CCDC85A: variants seen among roughly 807,000 people sequenced by gnomAD.
CCDC85A encodes coiled-coil domain containing 85A, also known as coiled-coil domain-containing protein 85A.
CCDC85A carries 38 observed loss-of-function variants against 50.2 expected under a neutral mutation model. The ratio of observed to expected loss-of-function variants is 0.76; its 90% confidence interval spans 0.58 to 0.99. The LOEUF (loss-of-function observed/expected upper bound fraction) is 0.99. Among genes scored for constraint, CCDC85A ranks in the 50% least tolerant of loss-of-function variants. The pLI is 0.00. For synonymous variants in CCDC85A, 366 were observed against 301.4 expected (o/e 1.21, Z -2.22); for missense variants, 820 against 742.0 (o/e 1.11, Z -1.22).
chr2:56,294,435 A>G (rs1351933695), intron 2 of CCDC85A, among the ~76,000 whole-genome samples: 2 of 152,226 alleles, frequency 1.3e-5, no homozygotes, highest in Non-Finnish European at 2.9e-5. Context: ...TGTATACCAT[A>G]ACTTAAATAA....
chr2:56,272,955 G>A (rs1175689133), intron 2 of CCDC85A, among the ~76,000 whole-genome samples: 3 of 152,128 alleles, frequency 2.0e-5, no homozygotes, highest in African/African-American at 7.2e-5. Flanking sequence ...GAAAAAGAGA[G>A]AGGAAGTGAA....
intron 2 of CCDC85A, among the ~76,000 whole-genome samples, chr2:56,255,704 A>G (rs1001996165): frequency 2.6e-5 from 4 of 152,122 alleles, no homozygotes; most frequent in African/African-American, 9.7e-5. Flanking sequence ...AGGAAGGAGA[A>G]AGAAATGATG....
chr2:56,372,229 T>C (rs947947357), intron 3 of CCDC85A, 115 bp from the exon 4 acceptor site: 2 of 1,035,568 alleles, frequency 1.9e-6, no homozygotes, highest in Non-Finnish European at 2.6e-6. Flanking sequence ...ATGTTACAGC[T>C]TGCCATTGTG....
intron 3 of CCDC85A, 135 bp downstream of exon 3, chr2:56,343,090 A>G (rs1674457331): frequency 3.3e-6 from 2 of 607,938 alleles, no homozygotes; most frequent in African/African-American, 1.8e-5. Context: ...TCATCAATGT[A>G]GAGTGTGATT....
chr2:56,382,676 G>GTTGGT (rs1558668997), intron 5 of CCDC85A, among the ~76,000 whole-genome samples: 1 of 151,886 alleles, frequency 6.6e-6, no homozygotes, highest in Admixed American at 6.6e-5. Flanking sequence ...CCTTTGTATT[G>GTTGGT]TTGGTTTATT....
chr2:56,329,943 CTGTTTTTTTTTTTTTTTTTTT>C (rs1397586904), intron 2 of CCDC85A, among the ~76,000 whole-genome samples: 3 of 22,874 alleles, frequency 1.3e-4, no homozygotes, highest in East Asian at 2.7e-3. Context: ...TACAGATTTC[CTGTTTTTTTTTTTTTTTTTTT>C]TTTTTTTTTT....
chr2:56,185,500 T>A (rs1386741969), intron 1 of CCDC85A, among the ~76,000 whole-genome samples: 9 of 152,098 alleles, frequency 5.9e-5, no homozygotes, highest in Admixed American at 5.9e-4. Context: ...TCTCCCGGAG[T>A]TTGGAAGGCA....
intron 2 of CCDC85A, among the ~76,000 whole-genome samples, chr2:56,237,036 C>G (rs1219658114): frequency 1.3e-5 from 2 of 152,052 alleles, no homozygotes; most frequent in Non-Finnish European, 2.9e-5. Context: ...GTTAACTAAT[C>G]TGTGAAAAAT....
At chr2:56,228,657 C>T (rs976671309) in intron 2 of CCDC85A, among the ~76,000 whole-genome samples, 1 of 152,030 alleles carries the variant, frequency 6.6e-6, no homozygotes, top group African/African-American at 2.4e-5. Context: ...CTCAGCCTCC[C>T]GAGTAGCTGG....
chr2:56,217,113 G>A lies in CCDC85A; in HGVS notation c.1240+23673G>A, dbSNP rs578201046. On this transcript the variant is annotated intron_variant, in intron 2 of 5. Transcript: ENST00000407595. Reference sequence around the variant, plus strand: ...CTCACCTCTCAAAGGTTAGGTTAGAGGTAATACAAATGAGGATGTAAAAAA... The same window carrying A: ...CTCACCTCTCAAAGGTTAGGTTAGAAGTAATACAAATGAGGATGTAAAAAA... Among the ~76,000 whole-genome samples the A allele has an allele frequency of 6.5e-4, 99 of 151,946 alleles. No homozygotes were observed. In the South Asian group the frequency reaches 0.011, roughly 17 times the overall value.
chr2:56,213,993 T>A (rs547738355), intron 2 of CCDC85A, among the ~76,000 whole-genome samples: 7 of 151,900 alleles, frequency 4.6e-5, no homozygotes, highest in Non-Finnish European at 1.0e-4. Context: ...GCAGCAGACG[T>A]GTTCAGTGAG....
intron 2 of CCDC85A, among the ~76,000 whole-genome samples, chr2:56,231,781 G>A (rs1668785583): frequency 6.6e-6 from 1 of 152,112 alleles, no homozygotes; most frequent in Admixed American, 6.5e-5. Flanking sequence ...AGGGATGTTT[G>A]TAGTTACTGT....
intron 2 of CCDC85A, among the ~76,000 whole-genome samples, chr2:56,224,448 A>G (rs1668459178): frequency 1.3e-5 from 2 of 152,288 alleles, no homozygotes; most frequent in Admixed American, 6.5e-5. Context: ...AAATGTTTTC[A>G]TATTTCTTAG....
At chr2:56,265,252 A>G (rs1314902756) in intron 2 of CCDC85A, among the ~76,000 whole-genome samples, 1 of 152,210 alleles carries the variant, frequency 6.6e-6, no homozygotes, top group Non-Finnish European at 1.5e-5. Flanking sequence ...AGATGTGTCA[A>G]AGTTGCCTAT....
Position 56,184,796 on chromosome 2 carries a change from C to A in CCDC85A, c.172C>A (p.Arg58Ser), listed in dbSNP as rs1295557805. The change falls in exon 1 of 6, where the codon CGC becomes AGC. Residue 58 changes from arginine (R) to serine (S), a missense_variant. By Grantham distance (110) the Arg-to-Ser change is moderately radical (BLOSUM62 -1). Coordinates refer to ENST00000407595, the MANE Select transcript of CCDC85A (RefSeq NM_001080433.2). ...SKEELIRSLR[R>S]AEAEKVSAML... ...GGAGGAGCTGATCCGCAGCCTGCGG[C>A]GCGCCGAGGCGGAGAAGGTGAGCGC... 1 of 1,546,242 alleles carries A rather than the reference C, an allele frequency of 6.5e-7. No individual in the cohort carries two copies. The highest frequency in any genetic ancestry group is 1.2e-5 in the South Asian group (1 of 83,784).
At chr2:56,298,357 A>G (rs1672049869) in intron 2 of CCDC85A, among the ~76,000 whole-genome samples, 1 of 152,146 alleles carries the variant, frequency 6.6e-6, no homozygotes, top group Non-Finnish European at 1.5e-5. Context: ...GGAATTTCAT[A>G]TTGGAAAGGA....
chr2:56,385,509 C>T lies in CCDC85A; in HGVS notation c.*1154C>T, dbSNP rs532986335. 2 of 152,082 alleles carry T rather than the reference C, an allele frequency of 1.3e-5. No homozygotes were observed. The highest frequency in any genetic ancestry group is 3.0e-5 in the Non-Finnish European group (2 of 67,796). 9.4% of individuals were successfully genotyped at this position (152,082 alleles called of 1,614,324 possible). The stretch of plus-strand genomic sequence containing the variant: ...CTATGATAGGTATTTTGTGTTAATC[C>T]AAATGCAATGATAGTTTCTTGTATG... On this transcript the variant is annotated 3_prime_UTR_variant, in exon 6 of 6. Transcript: ENST00000407595.
intron 2 of CCDC85A, among the ~76,000 whole-genome samples, chr2:56,203,642 A>G (rs1676835678): frequency 6.6e-6 from 1 of 152,164 alleles, no homozygotes; most frequent in Admixed American, 6.6e-5. Context: ...TCTATTCGCA[A>G]GGCATATGTA....
At chr2:56,371,509 T>G (rs1186500296) in intron 3 of CCDC85A, among the ~76,000 whole-genome samples, 1 of 152,076 alleles carries the variant, frequency 6.6e-6, no homozygotes, top group Non-Finnish European at 1.5e-5. Context: ...TAATTAAAAT[T>G]ATTAAATTAT....
Sources: gnomAD v4.1 joint callset for allele counts (sites outside exome capture counted in the v4.1 genomes callset) on GRCh38, gnomAD v4.1.1 for gene constraint, MANE v1.5 for transcripts, NCBI Gene and HGNC (gene_info 2026-07-23, HGNC 2026-07-21) for gene names.